HS3ST4: variants seen among roughly 807,000 people sequenced by gnomAD.
The protein encoded by HS3ST4 is heparan sulfate glucosamine 3-O-sulfotransferase 4.
HS3ST4 carries 17 observed loss-of-function variants against 29.2 expected under a neutral mutation model. The ratio of observed to expected loss-of-function variants is 0.58; its 90% CI spans 0.40 to 0.87. The LOEUF (loss-of-function observed/expected upper bound fraction) is 0.87, where lower values mean the gene tolerates loss of function less well. HS3ST4 is among the 40% of genes least tolerant of loss of function. The probability of loss-of-function intolerance (pLI) is 0.00; values close to 1 mark genes in which losing one functional copy is unlikely to be tolerated. For synonymous variants in HS3ST4, 314 were observed against 285.7 expected (o/e 1.10, Z -1.00); for missense variants, 627 against 634.5 (o/e 0.99, Z 0.13).
chr16:25,984,277 C>T lies in HS3ST4; in HGVS notation c.735-151335C>T, dbSNP rs8051103. On this transcript the variant is annotated intron_variant, in intron 1 of 1. Transcript: ENST00000331351. ...TTTTTCCATGGCCAGGGATGGGGGA[C>T]GGTTTCGGGATGAAACTGTTCTACC... Among the ~76,000 whole-genome samples, 904 of 152,174 alleles carry T rather than the reference C, an allele frequency of 5.9e-3. 12 individuals are homozygous for T. The highest frequency in any genetic ancestry group is 0.02 in the African/African-American group (840 of 41,520).
At chr16:25,700,437 G>A (rs976395875) in intron 1 of HS3ST4, among the ~76,000 whole-genome samples, 12 of 152,160 alleles carry the variant, frequency 7.9e-5, no homozygotes, top group East Asian at 3.8e-4. Flanking sequence ...AAGACCCTAC[G>A]AAACCCTCTA....
At chr16:26,120,248 G>C (rs55989303) in intron 1 of HS3ST4, among the ~76,000 whole-genome samples, 34,215 of 152,020 alleles carry the variant, frequency 0.23, 3,953 homozygotes, top group Middle Eastern at 0.25. Flanking sequence ...TCTGTTATAT[G>C]ATCAGACTGA....
intron 1 of HS3ST4, among the ~76,000 whole-genome samples, chr16:25,815,576 ACC>A (rs975020756): frequency 6.6e-6 from 1 of 151,830 alleles, no homozygotes; most frequent in African/African-American, 2.4e-5. Flanking sequence ...CACCCCCTTG[ACC>A]CCCCACAGTG....
intron 1 of HS3ST4, among the ~76,000 whole-genome samples, chr16:25,902,881 C>G (rs555802015): frequency 6.6e-6 from 1 of 151,860 alleles, no homozygotes; most frequent in Non-Finnish European, 1.5e-5. Context: ...ATGGATTGCT[C>G]GAGCCCAGGA....
intron 1 of HS3ST4, among the ~76,000 whole-genome samples, chr16:26,092,649 C>A (rs1022802719): frequency 6.6e-6 from 1 of 152,158 alleles, no homozygotes; most frequent in Non-Finnish European, 1.5e-5. Context: ...AGGAACAGCT[C>A]CGGTCTGCAG....
chr16:25,732,697 A>G (rs993106965), intron 1 of HS3ST4, among the ~76,000 whole-genome samples: 1 of 152,226 alleles, frequency 6.6e-6, no homozygotes, highest in Non-Finnish European at 1.5e-5. Flanking sequence ...ATCATAAAAA[A>G]GCATTCCATA....
chr16:26,120,075 G>GTGTGTA (rs1899254084), intron 1 of HS3ST4, among the ~76,000 whole-genome samples: 20 of 103,000 alleles, frequency 1.9e-4, no homozygotes, highest in Admixed American at 1.1e-3. Context: ...GTGTGTATGT[G>GTGTGTA]TGTGTGTGTG....
chr16:26,086,581 C>G lies in HS3ST4; in HGVS notation c.735-49031C>G, dbSNP rs1435181215. On this transcript the variant is annotated intron_variant, in intron 1 of 1. Transcript: ENST00000331351. ...AGCCAGGATGGTCTTGATCTCCCGA[C>G]CTCGTGATCCGCCTGCCTCGGCCTC... Among the ~76,000 whole-genome samples the G allele has an allele frequency of 9.9e-5, 15 of 152,156 alleles. No individual in the cohort carries two copies. In the East Asian group the frequency reaches 2.9e-3, roughly 30 times the overall value.
intron 1 of HS3ST4, among the ~76,000 whole-genome samples, chr16:26,036,149 G>A (rs890430701): frequency 6.6e-6 from 1 of 152,220 alleles, no homozygotes; most frequent in Non-Finnish European, 1.5e-5. Context: ...TATAGTTATA[G>A]AAAAGCTACA....
chr16:25,929,878 T>C (rs964163381), intron 1 of HS3ST4, among the ~76,000 whole-genome samples: 61 of 152,200 alleles, frequency 4.0e-4, no homozygotes, highest in Non-Finnish European at 2.2e-4. Flanking sequence ...TGGGCTTTTG[T>C]TGTATGGATT....
chr16:25,741,345 G>T (rs1966650269), intron 1 of HS3ST4, among the ~76,000 whole-genome samples: 1 of 116,410 alleles, frequency 8.6e-6, no homozygotes, highest in Admixed American at 1.1e-4. Flanking sequence ...ATTTCTTAAA[G>T]GATGAGTTTG....
intron 1 of HS3ST4, among the ~76,000 whole-genome samples, chr16:25,798,028 G>A (rs1966898532): frequency 6.6e-6 from 1 of 152,186 alleles, no homozygotes. Flanking sequence ...TGTTGAGTGT[G>A]GGGTAGAAGG....
intron 1 of HS3ST4, among the ~76,000 whole-genome samples, chr16:25,919,202 A>T (rs867960331): frequency 1.7e-4 from 26 of 151,398 alleles, no homozygotes; most frequent in Non-Finnish European, 2.2e-4. Flanking sequence ...TAATTTTAAA[A>T]TTTTTTTTTG....
chr16:26,009,527 A>G (rs1040108471), intron 1 of HS3ST4, among the ~76,000 whole-genome samples: 1 of 152,196 alleles, frequency 6.6e-6, no homozygotes, highest in Admixed American at 6.5e-5. Flanking sequence ...TTAACACAGT[A>G]AAGAGGCACT....
intron 1 of HS3ST4, among the ~76,000 whole-genome samples, chr16:25,986,499 G>T (rs1235541513): frequency 1.3e-5 from 2 of 152,182 alleles, no homozygotes; most frequent in Non-Finnish European, 1.5e-5. Context: ...ATTCTCTTGT[G>T]TCCAGTCCTC....
intron 1 of HS3ST4, among the ~76,000 whole-genome samples, chr16:26,012,590 GATGAGCTGAAGACAC>G (rs1363939474): frequency 6.6e-6 from 1 of 152,304 alleles, no homozygotes; most frequent in East Asian, 1.9e-4. Context: ...CTCTTGGGAA[GATGAGCTGAAGACAC>G]ATGAGACAGT....
At chr16:25,843,334 G>A (rs1003190880) in intron 1 of HS3ST4, among the ~76,000 whole-genome samples, 3 of 152,116 alleles carry the variant, frequency 2.0e-5, no homozygotes, top group Non-Finnish European at 2.9e-5. Context: ...GATTCTTACA[G>A]CATGATGGTC....
intron 1 of HS3ST4, among the ~76,000 whole-genome samples, chr16:26,002,802 GGAAAGAAAGAAAAAA>G (rs1484496807): frequency 3.3e-4 from 50 of 150,388 alleles, no homozygotes; most frequent in African/African-American, 1.2e-3. Context: ...AAAGAAAGAA[GGAAAGAAAGAAAAAA>G]GAAAGAAAGA....
intron 1 of HS3ST4, among the ~76,000 whole-genome samples, chr16:25,797,558 C>A (rs1291668398): frequency 6.6e-6 from 1 of 152,110 alleles, no homozygotes; most frequent in Non-Finnish European, 1.5e-5. Flanking sequence ...ATAATAATAT[C>A]ATTGTTGTTG....
Sources: gnomAD v4.1 joint callset for allele counts (sites outside exome capture counted in the v4.1 genomes callset) on GRCh38, gnomAD v4.1.1 for gene constraint, MANE v1.5 for transcripts, NCBI Gene and HGNC (gene_info 2026-07-23, HGNC 2026-07-21) for gene names.